The following LCOR variants were observed in gnomAD, a reference collection of about 807,000 sequenced individuals.
LCOR encodes the protein ligand-dependent corepressor.
A neutral mutation model predicts 64.4 loss-of-function variants in LCOR; 14 were observed. The ratio of observed to expected loss-of-function variants is 0.22; its 90% CI spans 0.14 to 0.34. The LOEUF is 0.34. LCOR is among the 10% of genes least tolerant of loss of function. The pLI, the probability that LCOR is intolerant of heterozygous loss-of-function variation, is 1.00. For synonymous variants in LCOR, 643 were observed against 642.5 expected (o/e 1.00, Z -0.01); for missense variants, 1,686 against 1,765.3 (o/e 0.96, Z 0.80).
chr10:96,931,760 T>TCAG (rs1349546095), intron 4 of LCOR, among the ~76,000 whole-genome samples: 1 of 152,220 alleles, frequency 6.6e-6, no homozygotes, highest in Non-Finnish European at 1.5e-5. Context: ...TTCATTTGTT[T>TCAG]CAGCAGCAGC....
intron 4 of LCOR, among the ~76,000 whole-genome samples, chr10:96,910,968 G>A (rs1307851313): frequency 1.3e-5 from 2 of 152,152 alleles, no homozygotes; most frequent in African/African-American, 4.8e-5. Context: ...GATTCACCTA[G>A]AGATTAGTAA....
At chr10:96,938,123 A>AT (rs1192665089) in intron 4 of LCOR, among the ~76,000 whole-genome samples, 2 of 151,378 alleles carry the variant, frequency 1.3e-5, no homozygotes, top group African/African-American at 4.9e-5. Context: ...GCTGTTAATA[A>AT]TTTTTTAACT....
chr10:96,833,318 G>T, intron 1 of LCOR, 88 bp from the exon 2 acceptor site: 2 of 956,096 alleles, frequency 2.1e-6, no homozygotes, highest in Non-Finnish European at 2.5e-6. Context: ...CGGGCCGGAG[G>T]GAGCGCGGAC....
intron 4 of LCOR, among the ~76,000 whole-genome samples, chr10:96,918,574 A>G (rs1846995188): frequency 6.6e-6 from 1 of 152,242 alleles, no homozygotes; most frequent in Admixed American, 6.5e-5. Context: ...GAGAAGCTTA[A>G]GTACTATACT....
chr10:96,856,917 G>A (rs1272087545), intron 2 of LCOR, among the ~76,000 whole-genome samples: 1 of 152,012 alleles, frequency 6.6e-6, no homozygotes, highest in Non-Finnish European at 1.5e-5. Context: ...GTTTACCTGG[G>A]ATGATACTGT....
rs369663754 is a variant in LCOR, at chr10:96,932,355, GA to G, written c.-183-11752del. Among the ~76,000 whole-genome samples, 354 of 151,998 alleles carry G rather than the reference GA, an allele frequency of 2.3e-3. 5 individuals carry two copies. Among genetic ancestry groups the G allele is most frequent in the African/African-American group, 7.7e-3 (321 of 41,486 alleles). ...TGCTTCCAGTAAACTCATAGGAAAG[GA>G]AAAAACTATATAAGAACAATAAACC... On this transcript the variant is annotated intron_variant, in intron 4 of 7. Coordinates refer to ENST00000421806, the MANE Select transcript of LCOR (RefSeq NM_001346516.2).
intron 2 of LCOR, among the ~76,000 whole-genome samples, chr10:96,852,440 C>T (rs375236948): frequency 6.6e-6 from 1 of 152,064 alleles, no homozygotes; most frequent in Non-Finnish European, 1.5e-5. Flanking sequence ...CAACAAAAAC[C>T]GACAAATTAT....
intron 4 of LCOR, among the ~76,000 whole-genome samples, chr10:96,917,123 AT>A: frequency 6.6e-6 from 1 of 152,322 alleles, no homozygotes; most frequent in South Asian, 2.1e-4. Flanking sequence ...CAAAGAGTTT[AT>A]TTTTTGTCTC....
chr10:96,856,190 C>T (rs1241082250), intron 2 of LCOR, among the ~76,000 whole-genome samples: 1 of 151,950 alleles, frequency 6.6e-6, no homozygotes, highest in African/African-American at 2.4e-5. Flanking sequence ...TCTGCCTCAG[C>T]CTCCTGAGTA....
chr10:96,925,896 G>GTATATGTTTTAGTTAGCTTTAT (rs1847159824), intron 4 of LCOR, among the ~76,000 whole-genome samples: 1 of 152,086 alleles, frequency 6.6e-6, no homozygotes, highest in East Asian at 1.9e-4. Flanking sequence ...CTTTGAGGAA[G>GTATATGTTTTAGTTAGCTTTAT]ACCTGTCCCT....
At chr10:96,940,117 TATA>T (rs1847424209) in intron 4 of LCOR, among the ~76,000 whole-genome samples, 1 of 152,166 alleles carries the variant, frequency 6.6e-6, no homozygotes, top group Non-Finnish European at 1.5e-5. Flanking sequence ...CTAAAATGGG[TATA>T]ATAAAAAAGA....
At chr10:96,931,652 C>G (rs1351127570) in intron 4 of LCOR, among the ~76,000 whole-genome samples, 1 of 152,116 alleles carries the variant, frequency 6.6e-6, no homozygotes, top group East Asian at 1.9e-4. Context: ...GTGAGTCTAC[C>G]AGAGAACATA....
chr10:96,859,039 A>G (rs535763965), intron 2 of LCOR, among the ~76,000 whole-genome samples: 103 of 152,296 alleles, frequency 6.8e-4, no homozygotes, highest in African/African-American at 2.4e-3. Flanking sequence ...TAGAAACCCA[A>G]CTCAGGTTAG....
intron 4 of LCOR, among the ~76,000 whole-genome samples, chr10:96,921,484 C>T (rs192776704): frequency 2.3e-4 from 35 of 152,050 alleles, no homozygotes; most frequent in Admixed American, 1.5e-3. Context: ...TTTTTGGAGA[C>T]GGAGTTTCGC....
Position 96,981,649 on chromosome 10 carries a change from C to A in LCOR, c.1189C>A (p.His397Asn), listed in dbSNP as rs368856693. The change falls in exon 8 of 8, where the codon CAC (histidine) becomes AAC (asparagine). Residue 397 changes from histidine to asparagine, a missense_variant. His to Asn is a moderately conservative substitution (Grantham distance 68). Around this residue, in one of 3 missense-constraint regions of LCOR, gnomAD observed 1,293 missense variants for 1,410.4 expected, o/e 0.92. Transcript: ENST00000421806. Reference sequence around the variant, plus strand: ...AAGGCCAAAGCAAGAGAACCATCTTCACTCTCTGGGAAGAAATAAGGTGGG... The same window carrying A: ...AAGGCCAAAGCAAGAGAACCATCTTAACTCTCTGGGAAGAAATAAGGTGGG... ...DARPKQENHLHSLGRNKVGYH... is the reference protein window; with the variant it reads ...DARPKQENHLNSLGRNKVGYH... 4 of 1,614,228 alleles carry A rather than the reference C, an allele frequency of 2.5e-6. No individual in the cohort carries two copies. Among genetic ancestry groups the A allele is most frequent in the Non-Finnish European group, 3.4e-6 (4 of 1,180,042 alleles).
chr10:96,940,229 C>T (rs115910406), intron 4 of LCOR, among the ~76,000 whole-genome samples: 258 of 150,768 alleles, frequency 1.7e-3, no homozygotes, highest in African/African-American at 5.7e-3. Flanking sequence ...TTCAGCTTTC[C>T]TCAAAATAGT....
chr10:96,987,764 A>G lies in LCOR; in HGVS notation c.*2630A>G, dbSNP rs1739212917. ...GCAAAACTTGAGGGCTAATCCTGCA[A>G]GGCCCTTTGATACCTACAGCAGGTA... On this transcript the variant is annotated 3_prime_UTR_variant, in exon 8 of 8. Transcript: ENST00000421806. 1 of 152,216 alleles carries G rather than the reference A, an allele frequency of 6.6e-6. No individual in the cohort carries two copies. 9.4% of individuals were successfully genotyped at this position (152,216 alleles called of 1,614,324 possible).
At chr10:96,951,429 T>A (rs1208121111) in intron 6 of LCOR, among the ~76,000 whole-genome samples, 1 of 152,146 alleles carries the variant, frequency 6.6e-6, no homozygotes, top group African/African-American at 2.4e-5. Flanking sequence ...TTCATAAAAT[T>A]CAGCAATTGA....
At chr10:96,900,476 CAAT>C (rs1435045563) in intron 2 of LCOR, among the ~76,000 whole-genome samples, 1 of 150,076 alleles carries the variant, frequency 6.7e-6, no homozygotes, top group African/African-American at 2.5e-5. Context: ...TTAATGAAAT[CAAT>C]GATATAATAG....
Sources: gnomAD v4.1 joint callset for allele counts (sites outside exome capture counted in the v4.1 genomes callset) on GRCh38, gnomAD v4.1.1 for gene constraint, gnomAD v4.1.1 regional missense constraint, MANE v1.5 for transcripts, NCBI Gene and HGNC (gene_info 2026-07-23, HGNC 2026-07-21) for gene names.